Variants in USP34 observed in about 807,000 individuals in gnomAD.
USP34 encodes the protein ubiquitin specific peptidase 34.
In USP34, 70 loss-of-function variants were observed where a neutral mutation model predicts 460.3. The ratio of observed to expected loss-of-function variants is 0.15; its 90% CI spans 0.13 to 0.19. USP34 has a LOEUF of 0.19. USP34 is among the 10% of genes least tolerant of loss of function. USP34 has a pLI of 1.00. For missense variants in USP34, 3,985 were observed against 4,236.2 expected, an observed-to-expected ratio of 0.94 and a Z score of 1.65; for synonymous variants, 1,647 against 1,405.3, an observed-to-expected ratio of 1.17 and a Z score of -3.85.
At chr2:61,326,508 G>T (rs1454794824) in intron 20 of USP34, among the ~76,000 whole-genome samples, 1 of 152,056 alleles carries the variant, frequency 6.6e-6, no homozygotes, top group African/African-American at 2.4e-5. Flanking sequence ...GATTACAGGT[G>T]TCAGCATGAC....
At chr2:61,470,534 C>G (rs1200630044) in intron 1 of USP34, 116 bp downstream of exon 1, 1 of 542,142 alleles carries the variant, frequency 1.8e-6, no homozygotes, top group South Asian at 2.2e-5. Context: ...GCTAGGCCCG[C>G]ACGCCGCCCG....
At position 61,331,387 on chromosome 2, in the gene USP34, GA is replaced by G. The variant is rs781038343; in HGVS notation, c.2835-17del. 2.5e-6 allele frequency: 4 copies of G among 1,599,492 alleles called. No individual in the cohort carries two copies. The highest frequency in any genetic ancestry group is 1.7e-6 in the Non-Finnish European group (2 of 1,173,924). On this transcript the variant is annotated splice_polypyrimidine_tract_variant and intron_variant, in intron 19 of 79. Coordinates refer to ENST00000398571, the MANE Select transcript of USP34 (RefSeq NM_014709.4). The stretch of plus-strand genomic sequence containing the variant: ...TTCTGCCCACCTGGCCCAAATAAAA[GA>G]AAAAATAATTTTAAAGTGGGCAGGG...
intron 75 of USP34, among the ~76,000 whole-genome samples, chr2:61,199,115 T>C (rs928287984): frequency 6.6e-6 from 1 of 152,130 alleles, no homozygotes; most frequent in African/African-American, 2.4e-5. Flanking sequence ...TGTAGTATTT[T>C]CAATTTTTAT....
intron 1 of USP34, among the ~76,000 whole-genome samples, chr2:61,444,684 A>G (rs1695058271): frequency 6.6e-6 from 1 of 152,062 alleles, no homozygotes; most frequent in South Asian, 2.1e-4. Flanking sequence ...CTAGGGTGGG[A>G]GGGCCAGCTT....
intron 1 of USP34, among the ~76,000 whole-genome samples, chr2:61,444,419 CA>C (rs1016490061): frequency 2.6e-5 from 4 of 151,398 alleles, no homozygotes; most frequent in Admixed American, 2.6e-4. Context: ...ACACAAAAGC[CA>C]AAAGGATAAA....
At chr2:61,425,096 C>T (rs1371644569) in intron 1 of USP34, among the ~76,000 whole-genome samples, 1 of 152,138 alleles carries the variant, frequency 6.6e-6, no homozygotes, top group Non-Finnish European at 1.5e-5. Context: ...AGGTGTGGCC[C>T]ACTGCGCCCA....
chr2:61,277,101 G>A (rs1689394582), intron 41 of USP34, among the ~76,000 whole-genome samples: 1 of 152,062 alleles, frequency 6.6e-6, no homozygotes, highest in African/African-American at 2.4e-5. Context: ...ATGTCACACA[G>A]GTCTTTAAAA....
At chr2:61,240,010 C>CA (rs10552748) in intron 53 of USP34, among the ~76,000 whole-genome samples, 2,555 of 104,734 alleles carry the variant, frequency 0.024, 37 homozygotes, top group Middle Eastern at 0.072. Flanking sequence ...GACTCCTTCT[C>CA]AAAAAAAAAA....
intron 1 of USP34, among the ~76,000 whole-genome samples, chr2:61,455,787 C>A (rs561567816): frequency 6.6e-6 from 1 of 152,138 alleles, no homozygotes; most frequent in South Asian, 2.1e-4. Context: ...GCTAGCACTG[C>A]GTTAAATGTT....
rs114865885 is a variant in USP34, at chr2:61,379,581, G to C, written c.1014+588C>G. Among the ~76,000 whole-genome samples the C allele has an allele frequency of 1.3e-4, 20 of 152,260 alleles. 1 individual carries two copies. Among genetic ancestry groups the C allele is most frequent in the African/African-American group, 4.8e-4 (20 of 41,552 alleles). ...TAAAGGAGTAAAGCAAATGGGGACTGCAACAAACCGGAGAAAGCATATTCA... is the reference window on the plus strand; with the variant it reads ...TAAAGGAGTAAAGCAAATGGGGACTCCAACAAACCGGAGAAAGCATATTCA... On this transcript the variant is annotated intron_variant, in intron 7 of 79. Coordinates refer to ENST00000398571, the MANE Select transcript of USP34 (RefSeq NM_014709.4).
At chr2:61,214,786 A>T (rs1687353683) in intron 67 of USP34, 92 bp from the exon 68 acceptor site, 9 of 1,373,250 alleles carry the variant, frequency 6.6e-6, no homozygotes, top group Non-Finnish European at 7.8e-6. Flanking sequence ...GTTCCCTTTA[A>T]TAATTAAAAT....
In USP34 at chr2:61,377,293, C is replaced by T. The variant is rs542431368; in HGVS notation, c.1076+1070G>A. 5.9e-5 allele frequency among the ~76,000 whole-genome samples: 9 copies of T among 152,244 alleles called. 1 individual carries two copies. In the South Asian group the frequency reaches 1.9e-3, roughly 32 times the overall value. ...TCAAGTTACACTAAAGTATGACTCACATGTATAATCAAGAATTTTCTAACA... is the reference window on the plus strand; with the variant it reads ...TCAAGTTACACTAAAGTATGACTCATATGTATAATCAAGAATTTTCTAACA... On this transcript the variant is annotated intron_variant, in intron 8 of 79. Transcript: ENST00000398571.
At chr2:61,220,193 T>G (rs954744318) in intron 67 of USP34, 117 bp downstream of exon 67, 3 of 331,846 alleles carry the variant, frequency 9.0e-6, no homozygotes, top group Non-Finnish European at 1.0e-5. Flanking sequence ...GGAAATAACA[T>G]CTCCAAGAAT....
At chr2:61,322,356 A>G (rs1690951729) in intron 21 of USP34, among the ~76,000 whole-genome samples, 1 of 152,238 alleles carries the variant, frequency 6.6e-6, no homozygotes, top group Non-Finnish European at 1.5e-5. Context: ...AGTCAGGCTA[A>G]TGAGAGAAAA....
At chr2:61,370,223 C>T in intron 10 of USP34, 98 bp downstream of exon 10, 1 of 1,279,806 alleles carries the variant, frequency 7.8e-7, no homozygotes. Flanking sequence ...TCTTGGTCTC[C>T]TTAGCTATAA....
At chr2:61,265,031 C>T (rs1336811374) in intron 43 of USP34, among the ~76,000 whole-genome samples, 1 of 152,160 alleles carries the variant, frequency 6.6e-6, no homozygotes, top group Non-Finnish European at 1.5e-5. Context: ...TACTTCTCTA[C>T]TTGGATTCAG....
intron 72 of USP34, 36 bp from the exon 73 acceptor site, chr2:61,204,637 T>TAA (rs760359947): frequency 2.6e-6 from 4 of 1,522,248 alleles, no homozygotes; most frequent in Non-Finnish European, 3.6e-6. Context: ...AGCAAAAAAT[T>TAA]AAGAGTTATA....
At chr2:61,276,105 A>C (rs1689365090) in intron 41 of USP34, among the ~76,000 whole-genome samples, 1 of 152,230 alleles carries the variant, frequency 6.6e-6, no homozygotes. Flanking sequence ...ACCAATTAAC[A>C]AAGAAATAAA....
At chr2:61,400,813 T>A (rs1025091323) in intron 3 of USP34, among the ~76,000 whole-genome samples, 1 of 152,148 alleles carries the variant, frequency 6.6e-6, no homozygotes, top group Non-Finnish European at 1.5e-5. Flanking sequence ...ATTGTGCCAG[T>A]GTACTACTCC....
Sources: gnomAD v4.1 joint callset for allele counts (sites outside exome capture counted in the v4.1 genomes callset) on GRCh38, gnomAD v4.1.1 for gene constraint, MANE v1.5 for transcripts, NCBI Gene and HGNC (gene_info 2026-07-23, HGNC 2026-07-21) for gene names.